The following CFAP20DC variants were observed in gnomAD, a reference collection of about 807,000 sequenced individuals.
CFAP20DC encodes protein CFAP20DC.
A neutral mutation model predicts 101.7 loss-of-function variants in CFAP20DC; 84 were observed. The observed-to-expected ratio is 0.83, with a 90% CI of 0.69 to 0.99. CFAP20DC has a LOEUF of 0.99. Ranked by LOEUF, CFAP20DC falls within the 50% of genes least tolerant of loss-of-function variation. CFAP20DC has a pLI of 0.00. For missense variants in CFAP20DC, 1,007 were observed against 970.3 expected (o/e 1.04, Z -0.50); for synonymous variants, 359 against 351.2 (o/e 1.02, Z -0.25).
chr3:58,742,210 A>G lies in CFAP20DC; in HGVS notation c.*250T>C, dbSNP rs1461627268. 9.8e-7 allele frequency: 1 copy of G among 1,016,430 alleles called. No individual in the cohort carries two copies. Among genetic ancestry groups the G allele is most frequent in the Non-Finnish European group, 1.2e-6 (1 of 835,370 alleles). 63.0% of individuals were successfully genotyped at this position (1,016,430 alleles called of 1,614,324 possible). ...AAAATTATATGTAGAATGAGAACAA[A>G]CAAGAACCAATTCAAACTCCTAAAA... On this transcript the variant is annotated 3_prime_UTR_variant, in exon 17 of 17. Coordinates refer to ENST00000482387, the MANE Select transcript of CFAP20DC (RefSeq NM_001394063.1).
intron 6 of CFAP20DC, among the ~76,000 whole-genome samples, chr3:58,904,510 T>C (rs2107202853): frequency 6.6e-6 from 1 of 152,256 alleles, no homozygotes; most frequent in East Asian, 1.9e-4. Flanking sequence ...GGTATAGAAA[T>C]AGAGCCTTAA....
intron 15 of CFAP20DC, among the ~76,000 whole-genome samples, chr3:58,769,753 T>A (rs2070672026): frequency 6.6e-6 from 1 of 152,168 alleles, no homozygotes; most frequent in Non-Finnish European, 1.5e-5. Flanking sequence ...GGATCACATC[T>A]CTACCATAGC....
At chr3:58,820,170 A>C (rs202166376) in intron 14 of CFAP20DC, among the ~76,000 whole-genome samples, 8,336 of 151,852 alleles carry the variant, frequency 0.055, 493 homozygotes, top group East Asian at 0.35. Context: ...TCTATGACAA[A>C]CCCACAGCCA....
intron 4 of CFAP20DC, among the ~76,000 whole-genome samples, chr3:58,956,185 G>A (rs2090610287): frequency 6.6e-6 from 1 of 151,750 alleles, no homozygotes; most frequent in Non-Finnish European, 1.5e-5. Flanking sequence ...TGTATCTTAG[G>A]TACCAGGTTG....
chr3:58,996,451 G>T (rs932989780), intron 4 of CFAP20DC, among the ~76,000 whole-genome samples: 4 of 152,118 alleles, frequency 2.6e-5, no homozygotes, highest in African/African-American at 9.7e-5. Flanking sequence ...TTAAGATACA[G>T]ATAGATTACA....
intron 14 of CFAP20DC, among the ~76,000 whole-genome samples, chr3:58,810,030 A>G (rs930607141): frequency 2.0e-5 from 3 of 152,314 alleles, no homozygotes; most frequent in African/African-American, 4.8e-5. Context: ...GAATAGACCA[A>G]TAACAGGCTC....
chr3:58,802,765 C>T (rs148807820), intron 15 of CFAP20DC, among the ~76,000 whole-genome samples: 202 of 152,218 alleles, frequency 1.3e-3, no homozygotes, highest in African/African-American at 4.6e-3. Context: ...TGAATATATG[C>T]AGCACTTTAG....
chr3:58,969,440 T>A (rs766872829), intron 4 of CFAP20DC, among the ~76,000 whole-genome samples: 3 of 152,120 alleles, frequency 2.0e-5, no homozygotes, highest in African/African-American at 4.8e-5. Flanking sequence ...TACGTAAAGT[T>A]CCATATGACC....
intron 12 of CFAP20DC, among the ~76,000 whole-genome samples, chr3:58,852,972 A>C (rs537221754): frequency 1.3e-5 from 2 of 152,302 alleles, no homozygotes; most frequent in South Asian, 2.1e-4. Context: ...GAAGGCAAGA[A>C]ATAACTAAAA....
intron 16 of CFAP20DC, among the ~76,000 whole-genome samples, chr3:58,753,209 T>C (rs1019911208): frequency 1.3e-5 from 2 of 152,212 alleles, no homozygotes; most frequent in African/African-American, 2.4e-5. Flanking sequence ...CTAATACCTA[T>C]TGTAGCTACG....
At chr3:58,886,548 C>G (rs2081642522) in intron 6 of CFAP20DC, among the ~76,000 whole-genome samples, 1 of 151,414 alleles carries the variant, frequency 6.6e-6, no homozygotes, top group South Asian at 2.1e-4. Context: ...ATAGCCATAC[C>G]CCATATATCT....
intron 4 of CFAP20DC, among the ~76,000 whole-genome samples, chr3:58,984,530 G>A (rs563209893): frequency 3.3e-5 from 5 of 152,128 alleles, no homozygotes; most frequent in Non-Finnish European, 7.4e-5. Context: ...AACTTTAGAG[G>A]GTCTTGCCTT....
intron 15 of CFAP20DC, among the ~76,000 whole-genome samples, chr3:58,798,957 A>C (rs901735732): frequency 2.0e-5 from 3 of 152,238 alleles, no homozygotes; most frequent in African/African-American, 7.2e-5. Flanking sequence ...AAAGAATAGT[A>C]ACATAACTTT....
chr3:58,845,539 A>G (rs2077554136), intron 13 of CFAP20DC, among the ~76,000 whole-genome samples: 1 of 151,730 alleles, frequency 6.6e-6, no homozygotes, highest in Non-Finnish European at 1.5e-5. Context: ...CCAACCAAAA[A>G]GAGTCCAGGA....
intron 5 of CFAP20DC, among the ~76,000 whole-genome samples, chr3:58,932,679 C>T (rs2086885737): frequency 2.0e-5 from 3 of 152,094 alleles, no homozygotes; most frequent in African/African-American, 7.2e-5. Flanking sequence ...AACTAAGCTT[C>T]ATAAGTGAAG....
At chr3:59,020,787 C>A (rs1002228632) in intron 4 of CFAP20DC, among the ~76,000 whole-genome samples, 1 of 152,048 alleles carries the variant, frequency 6.6e-6, no homozygotes, top group Non-Finnish European at 1.5e-5. Context: ...ACCTTATGGA[C>A]AGTATGTCCC....
chr3:58,971,007 C>T lies in CFAP20DC; in HGVS notation c.279-33245G>A, dbSNP rs1411824885. Reference sequence around the variant, plus strand: ...GAGAATTCAAATTATACATCTGTAACACCACCCACTCTCCTAACCTCCCAA... The same window carrying T: ...GAGAATTCAAATTATACATCTGTAATACCACCCACTCTCCTAACCTCCCAA... On this transcript the variant is annotated intron_variant, in intron 4 of 16. Coordinates refer to ENST00000482387, the MANE Select transcript of CFAP20DC (RefSeq NM_001394063.1). This position sits in a 1 kb window ranked among gnomAD's most constrained non-coding sequence, Gnocchi z 4.1. 1.3e-5 allele frequency among the ~76,000 whole-genome samples: 2 copies of T among 152,128 alleles called. No homozygotes were observed. The highest frequency in any genetic ancestry group is 2.9e-5 in the Non-Finnish European group (2 of 68,022).
At chr3:58,773,527 G>A (rs1393016411) in intron 15 of CFAP20DC, among the ~76,000 whole-genome samples, 1 of 152,108 alleles carries the variant, frequency 6.6e-6, no homozygotes, top group African/African-American at 2.4e-5. Flanking sequence ...CTGCACTCCA[G>A]CTTGGGTGAC....
chr3:58,968,485 T>C (rs1356253489), intron 4 of CFAP20DC, among the ~76,000 whole-genome samples: 3 of 152,238 alleles, frequency 2.0e-5, no homozygotes, highest in Non-Finnish European at 4.4e-5. Context: ...TTTTTTCATA[T>C]GTTTATTGGC....
Sources: allele counts gnomAD v4.1 joint callset (sites outside exome capture counted in the v4.1 genomes callset), GRCh38; gene constraint gnomAD v4.1.1; non-coding constraint Gnocchi (gnomAD v3.1); transcripts MANE v1.5; gene names NCBI Gene and HGNC (gene_info 2026-07-23, HGNC 2026-07-21).